PDE9A: variants seen among roughly 807,000 people sequenced by gnomAD.
PDE9A encodes phosphodiesterase 9A.
In PDE9A, 60 loss-of-function variants were observed where a neutral mutation model predicts 87.4. The observed-to-expected ratio is 0.69, with a 90% CI of 0.56 to 0.85. The LOEUF is 0.85. Among genes scored for constraint, PDE9A ranks in the 40% least tolerant of loss-of-function variants. PDE9A has a pLI of 0.00. For missense variants in PDE9A, 665 were observed against 779.0 expected, an observed-to-expected ratio of 0.85 and a Z score of 1.74; for synonymous variants, 272 against 279.4, an observed-to-expected ratio of 0.97 and a Z score of 0.27.
At chr21:42,689,263 G>A (rs976879853) in intron 3 of PDE9A, among the ~76,000 whole-genome samples, 1 of 152,204 alleles carries the variant, frequency 6.6e-6, no homozygotes, top group Non-Finnish European at 1.5e-5. Flanking sequence ...GGCCTCAGCC[G>A]AGCTCCTCTC....
At chr21:42,708,781 C>T (rs13046756) in intron 4 of PDE9A, among the ~76,000 whole-genome samples, 9,032 of 152,182 alleles carry the variant, frequency 0.059, 527 homozygotes, top group African/African-American at 0.15. Flanking sequence ...ATCTCGAACT[C>T]CTGACCTCAG....
At chr21:42,703,028 C>A (rs556132255) in intron 4 of PDE9A, among the ~76,000 whole-genome samples, 1 of 152,086 alleles carries the variant, frequency 6.6e-6, no homozygotes. Flanking sequence ...TGGGAGGAGG[C>A]GGAGGCCTAG....
chr21:42,716,747 C>CTTTTTTTTTTTT (rs60104683), intron 4 of PDE9A, among the ~76,000 whole-genome samples: 1 of 94,254 alleles, frequency 1.1e-5, no homozygotes, highest in Non-Finnish European at 1.9e-5. Flanking sequence ...TTATAATTTC[C>CTTTTTTTTTTTT]TTTTTTTTTT....
chr21:42,768,906 A>G, intron 16 of PDE9A, 121 bp from the exon 17 acceptor site: 2 of 1,499,294 alleles, frequency 1.3e-6, no homozygotes, highest in Non-Finnish European at 8.9e-7. Flanking sequence ...ACTGAGACAC[A>G]TTTGTGGTGT....
At chr21:42,770,602 C>A in intron 17 of PDE9A, 101 bp from the exon 18 acceptor site, 1 of 844,434 alleles carries the variant, frequency 1.2e-6, no homozygotes, top group Non-Finnish European at 2.0e-6. Context: ...TGGGACTGGC[C>A]CAGAGGTTTC....
In PDE9A at chr21:42,760,358, C is replaced by A. The variant is rs1452464562; in HGVS notation, c.928C>A (p.Pro310Thr). 4.3e-6 allele frequency: 7 copies of A among 1,609,844 alleles called. No homozygotes were observed. Among genetic ancestry groups the A allele is most frequent in the Non-Finnish European group, 5.9e-6 (7 of 1,179,016 alleles). Reference sequence around the variant, plus strand: ...CGTCCACGACAACTACAGAAACAACCCCTTCCACAACTTCCGGCACTGCTT... The same window carrying A: ...CGTCCACGACAACTACAGAAACAACACCTTCCACAACTTCCGGCACTGCTT... The part of the protein sequence containing the change: ...FCVHDNYRNN[P>T]FHNFRHCFCV... Residue 310 changes from proline to threonine, a missense_variant, in exon 12 of 20, where the codon CCC becomes ACC. Transcript: ENST00000291539. The surrounding 1 kb of genome is among the most constrained non-coding windows in gnomAD (Gnocchi z 5.2).
intron 1 of PDE9A, 78 bp from the exon 2 acceptor site, chr21:42,686,114 G>T: frequency 9.7e-7 from 1 of 1,031,224 alleles, no homozygotes; most frequent in Non-Finnish European, 1.5e-6. Flanking sequence ...TGGAGCCGAA[G>T]CGGAAGCACG....
At chr21:42,699,986 A>C (rs1487083311) in intron 4 of PDE9A, among the ~76,000 whole-genome samples, 1 of 152,138 alleles carries the variant, frequency 6.6e-6, no homozygotes, top group Non-Finnish European at 1.5e-5. Context: ...CCATCACCAA[A>C]ATCAAGACAT....
intron 1 of PDE9A, among the ~76,000 whole-genome samples, chr21:42,662,670 G>A (rs1335842702): frequency 3.9e-5 from 4 of 102,806 alleles, no homozygotes; most frequent in South Asian, 6.7e-4. Context: ...CACACACCAC[G>A]CACACGCACT....
Position 42,695,139 on chromosome 21 carries a change from T to C in PDE9A, c.219-3829T>C, listed in dbSNP as rs953133111. Among the ~76,000 whole-genome samples, 4 of 152,140 alleles carry C rather than the reference T, an allele frequency of 2.6e-5. No homozygotes were observed. Among genetic ancestry groups the C allele is most frequent in the Non-Finnish European group, 5.9e-5 (4 of 68,038 alleles). ...GAACACGTTTACATCATGGAAAATA[T>C]GGAAAATAGGCTGATTGGCTTCCAC... On this transcript the variant is annotated intron_variant, in intron 3 of 19. Transcript: ENST00000291539. The surrounding 1 kb of genome is among the most constrained non-coding windows in gnomAD (Gnocchi z 4.3).
At chr21:42,685,732 T>C (rs2059425405) in intron 1 of PDE9A, among the ~76,000 whole-genome samples, 1 of 151,998 alleles carries the variant, frequency 6.6e-6, no homozygotes, top group South Asian at 2.1e-4. Flanking sequence ...CCTCCCAAAG[T>C]GCTGGGATTA....
chr21:42,743,173 A>G (rs1343583180), intron 7 of PDE9A, among the ~76,000 whole-genome samples: 3 of 152,212 alleles, frequency 2.0e-5, no homozygotes, highest in African/African-American at 2.4e-5. Flanking sequence ...TAATTTGGCC[A>G]AGGCAGTTTC....
chr21:42,697,117 G>A (rs1276950791), intron 3 of PDE9A, among the ~76,000 whole-genome samples: 1 of 152,092 alleles, frequency 6.6e-6, no homozygotes, highest in Non-Finnish European at 1.5e-5. Context: ...TTCATAGGGT[G>A]AGGGGAGAAT....
intron 9 of PDE9A, among the ~76,000 whole-genome samples, chr21:42,751,744 C>CTTTTT (rs33940532): frequency 8.2e-6 from 1 of 122,406 alleles, no homozygotes. Flanking sequence ...GGCCCACCTG[C>CTTTTT]TTTTTTTTTT....
At chr21:42,740,621 G>A (rs74515232) in intron 7 of PDE9A, among the ~76,000 whole-genome samples, 3,712 of 23,530 alleles carry the variant, frequency 0.16, 138 homozygotes, top group African/African-American at 0.31. Context: ...ATGGATGGAT[G>A]GATGAATGGA....
At chr21:42,711,773 C>T (rs1200461369) in intron 4 of PDE9A, among the ~76,000 whole-genome samples, 1 of 152,124 alleles carries the variant, frequency 6.6e-6, no homozygotes. Context: ...TCATTTTCTT[C>T]CCCACGCTGA....
chr21:42,678,209 G>GGGATC (rs2058961235), intron 1 of PDE9A, among the ~76,000 whole-genome samples: 1 of 152,192 alleles, frequency 6.6e-6, no homozygotes, highest in South Asian at 2.1e-4. Flanking sequence ...GGGGTTTGGC[G>GGGATC]GGATCTCTGC....
intron 1 of PDE9A, among the ~76,000 whole-genome samples, chr21:42,677,350 C>T (rs1328594721): frequency 6.6e-6 from 1 of 152,196 alleles, no homozygotes; most frequent in African/African-American, 2.4e-5. Context: ...AGCATGACTT[C>T]CCTGACATAG....
intron 1 of PDE9A, among the ~76,000 whole-genome samples, chr21:42,657,542 C>A (rs1477510484): frequency 6.6e-6 from 1 of 152,250 alleles, no homozygotes; most frequent in Non-Finnish European, 1.5e-5. Context: ...CTGCTCCTTT[C>A]TCTTGCCTAT....
Sources: allele counts gnomAD v4.1 joint callset (sites outside exome capture counted in the v4.1 genomes callset), GRCh38; gene constraint gnomAD v4.1.1; non-coding constraint Gnocchi (gnomAD v3.1); transcripts MANE v1.5; gene names NCBI Gene and HGNC (gene_info 2026-07-23, HGNC 2026-07-21).